The following ARHGAP24 variants were observed in gnomAD, a reference collection of about 807,000 sequenced individuals.
The protein encoded by ARHGAP24 is rho GTPase-activating protein 24.
Under a neutral mutation model 76.4 loss-of-function variants are expected in ARHGAP24, and 50 were observed. The ratio of observed to expected loss-of-function variants is 0.65; its 90% confidence interval spans 0.52 to 0.83. The LOEUF is 0.83. Ranked by LOEUF, ARHGAP24 falls within the 40% of genes least tolerant of loss-of-function variation. The probability of loss-of-function intolerance (pLI) is 0.00; values close to 1 mark genes in which losing one functional copy is unlikely to be tolerated. For synonymous variants in ARHGAP24, 345 were observed against 323.3 expected (o/e 1.07, Z -0.72); for missense variants, 930 against 914.2 (o/e 1.02, Z -0.22).
chr4:85,713,344 AT>A (rs200441804), intron 2 of ARHGAP24, among the ~76,000 whole-genome samples: 2,231 of 152,148 alleles, frequency 0.015, 47 homozygotes, highest in African/African-American at 0.051. Context: ...ACATATTTCT[AT>A]GTTTTTCTTA....
At chr4:85,664,766 A>T (rs1722543691) in intron 2 of ARHGAP24, among the ~76,000 whole-genome samples, 1 of 151,748 alleles carries the variant, frequency 6.6e-6, no homozygotes. Flanking sequence ...TCATTTCGTT[A>T]TGTACCCAGT....
chr4:85,964,730 T>C (rs1334156573), intron 5 of ARHGAP24, among the ~76,000 whole-genome samples: 1 of 151,938 alleles, frequency 6.6e-6, no homozygotes, highest in Non-Finnish European at 1.5e-5. Context: ...TTTTGAGGAG[T>C]CTGTTGTTTA....
intron 2 of ARHGAP24, among the ~76,000 whole-genome samples, chr4:85,590,596 G>A (rs1728053976): frequency 6.6e-6 from 1 of 152,000 alleles, no homozygotes. Context: ...CTGACCTCAG[G>A]TGATCCACCT....
At chr4:85,622,953 T>C (rs1393176778) in intron 2 of ARHGAP24, among the ~76,000 whole-genome samples, 2 of 152,062 alleles carry the variant, frequency 1.3e-5, no homozygotes, top group Non-Finnish European at 2.9e-5. Flanking sequence ...TGTTTGTTTT[T>C]TTCTTGTAAA....
chr4:85,894,998 AAGC>A (rs1560701767), intron 3 of ARHGAP24, among the ~76,000 whole-genome samples: 14 of 37,652 alleles, frequency 3.7e-4, no homozygotes, highest in Admixed American at 5.5e-4. Context: ...ACAAAACAAA[AAGC>A]AAAAAAAAAA....
At chr4:85,619,896 C>T (rs1407686134) in intron 2 of ARHGAP24, among the ~76,000 whole-genome samples, 1 of 151,368 alleles carries the variant, frequency 6.6e-6, no homozygotes, top group African/African-American at 2.4e-5. Flanking sequence ...TTTTCAAATG[C>T]CTTATCTGCA....
At chr4:85,607,400 G>A (rs888201395) in intron 2 of ARHGAP24, among the ~76,000 whole-genome samples, 10 of 151,218 alleles carry the variant, frequency 6.6e-5, no homozygotes, top group Non-Finnish European at 1.3e-4. Context: ...GGGAGAGAGA[G>A]AAAGAGAGAA....
chr4:85,935,016 G>A (rs1173403323), intron 4 of ARHGAP24, among the ~76,000 whole-genome samples: 1 of 152,142 alleles, frequency 6.6e-6, no homozygotes, highest in Non-Finnish European at 1.5e-5. Flanking sequence ...AACTGGTGAG[G>A]TACAGTGTTA....
intron 3 of ARHGAP24, among the ~76,000 whole-genome samples, chr4:85,856,791 G>C (rs1731601639): frequency 6.6e-6 from 1 of 152,062 alleles, no homozygotes; most frequent in Admixed American, 6.6e-5. Flanking sequence ...AAAATAAGAA[G>C]TGAAAGGACC....
At chr4:85,977,183 T>C (rs904618499) in intron 7 of ARHGAP24, among the ~76,000 whole-genome samples, 4 of 152,164 alleles carry the variant, frequency 2.6e-5, no homozygotes, top group Non-Finnish European at 4.4e-5. Context: ...AAAGAAGGCA[T>C]CCTACCAGCT....
chr4:85,742,174 A>C (rs1426087945), intron 3 of ARHGAP24, among the ~76,000 whole-genome samples: 5 of 152,184 alleles, frequency 3.3e-5, no homozygotes, highest in African/African-American at 1.2e-4. Flanking sequence ...CATGGCACAG[A>C]GTGGGCAATT....
intron 3 of ARHGAP24, among the ~76,000 whole-genome samples, chr4:85,869,990 G>C (rs1732432671): frequency 6.6e-6 from 1 of 152,104 alleles, no homozygotes; most frequent in Non-Finnish European, 1.5e-5. Context: ...CAACATTTCT[G>C]TACCTTAATT....
intron 1 of ARHGAP24, among the ~76,000 whole-genome samples, chr4:85,535,397 G>A (rs1454496428): frequency 6.6e-6 from 1 of 152,140 alleles, no homozygotes; most frequent in Non-Finnish European, 1.5e-5. Flanking sequence ...AAAAATTTAA[G>A]AATGTAGAAG....
Position 85,977,643 on chromosome 4 carries a change from C to G in ARHGAP24, c.880C>G (p.Pro294Ala). Residue 294 changes from proline to alanine, a missense_variant, in exon 8 of 10, where the codon CCT becomes GCT. By Grantham distance (27) the Pro-to-Ala change is conservative. Transcript: ENST00000395184. ...SVQNLATVFG[P>A]NILRPKVEDP... Reference sequence around the variant, plus strand: ...GCAGAACTTGGCAACGGTCTTTGGTCCTAATATCCTGCGCCCCAAAGTGGA... The same window carrying G: ...GCAGAACTTGGCAACGGTCTTTGGTGCTAATATCCTGCGCCCCAAAGTGGA... The G allele has an allele frequency of 1.2e-6, 2 of 1,613,886 alleles. No homozygotes were observed. The highest frequency in any genetic ancestry group is 1.1e-5 in the South Asian group (1 of 91,068).
At chr4:85,670,154 G>C (rs1218419145) in intron 2 of ARHGAP24, among the ~76,000 whole-genome samples, 1 of 152,076 alleles carries the variant, frequency 6.6e-6, no homozygotes, top group Non-Finnish European at 1.5e-5. Flanking sequence ...AGCTTGTTTG[G>C]CTGCATAAAT....
chr4:85,690,283 T>C (rs536199288), intron 2 of ARHGAP24, among the ~76,000 whole-genome samples: 3 of 152,146 alleles, frequency 2.0e-5, no homozygotes, highest in Admixed American at 2.0e-4. Flanking sequence ...TCTTTTTTAT[T>C]GTGTCTGCCA....
intron 1 of ARHGAP24, among the ~76,000 whole-genome samples, chr4:85,533,908 C>T (rs185093409): frequency 7.6e-4 from 115 of 152,242 alleles, no homozygotes; most frequent in African/African-American, 2.7e-3. Flanking sequence ...TCACTCTCTT[C>T]GAAAAGATGA....
chr4:85,678,298 A>G (rs1001453527), intron 2 of ARHGAP24, among the ~76,000 whole-genome samples: 1 of 152,138 alleles, frequency 6.6e-6, no homozygotes, highest in African/African-American at 2.4e-5. Flanking sequence ...TGAGCCCAGG[A>G]GTTTGAGGCT....
At chr4:85,720,258 TATAATAATA>T (rs36119786) in intron 2 of ARHGAP24, among the ~76,000 whole-genome samples, 1 of 151,010 alleles carries the variant, frequency 6.6e-6, no homozygotes, top group Non-Finnish European at 1.5e-5. Context: ...GAACTTAAAG[TATAATAATA>T]ATAATAATAA....
Sources: allele counts gnomAD v4.1 joint callset (sites outside exome capture counted in the v4.1 genomes callset), GRCh38; gene constraint gnomAD v4.1.1; transcripts MANE v1.5; gene names NCBI Gene and HGNC (gene_info 2026-07-23, HGNC 2026-07-21).